KIF1B: variants seen among roughly 807,000 people sequenced by gnomAD.
The protein encoded by KIF1B is kinesin family member 1B, also known as kinesin-like protein KIF1B.
A neutral mutation model predicts 241.9 loss-of-function variants in KIF1B; 76 were observed. The observed-to-expected ratio is 0.31, with a 90% CI of 0.26 to 0.38. The LOEUF (loss-of-function observed/expected upper bound fraction) is 0.38, where lower values mean the gene tolerates loss of function less well. Ranked by LOEUF, KIF1B falls within the 10% of genes least tolerant of loss-of-function variation. The pLI, the probability that KIF1B is intolerant of heterozygous loss-of-function variation, is 1.00. For missense variants in KIF1B, 1,622 were observed against 2,271.4 expected, an observed-to-expected ratio of 0.71 and a Z score of 5.81; for synonymous variants, 750 against 796.7, an observed-to-expected ratio of 0.94 and a Z score of 0.99.
intron 22 of KIF1B, among the ~76,000 whole-genome samples, chr1:10,319,166 A>G (rs1457425029): frequency 1.4e-5 from 2 of 144,964 alleles, no homozygotes; most frequent in Admixed American, 1.4e-4. Flanking sequence ...CAGTGGCGCG[A>G]TCTCTGTTCA....
chr1:10,234,135 A>G (rs1647018041), intron 2 of KIF1B, among the ~76,000 whole-genome samples: 2 of 151,724 alleles, frequency 1.3e-5, no homozygotes, highest in South Asian at 2.1e-4. Flanking sequence ...CATCCCTTCT[A>G]TCGGATTTGC....
chr1:10,373,033 T>G (rs1040375862), intron 45 of KIF1B, among the ~76,000 whole-genome samples: 1 of 151,426 alleles, frequency 6.6e-6, no homozygotes, highest in Non-Finnish European at 1.5e-5. Flanking sequence ...GTCAGGCTAG[T>G]CTCAAACTGC....
chr1:10,250,010 T>G (rs554693046), intron 2 of KIF1B, among the ~76,000 whole-genome samples: 8 of 152,294 alleles, frequency 5.3e-5, no homozygotes, highest in African/African-American at 1.9e-4. Context: ...GGGGTCTCAC[T>G]ATGTTGCCCA....
intron 35 of KIF1B, 125 bp from the exon 36 acceptor site, chr1:10,347,636 T>C: frequency 1.3e-6 from 1 of 776,790 alleles, no homozygotes; most frequent in South Asian, 1.4e-5. Context: ...AATGACTGTA[T>C]GATTAAATGC....
chr1:10,230,999 TGAGGAGTTC>T (rs1041431871), intron 1 of KIF1B: 2 of 152,102 alleles, frequency 1.3e-5, no homozygotes. Context: ...GAATCTGAGG[TGAGGAGTTC>T]GAGACCAGCC....
rs58923572 is a variant in KIF1B, at chr1:10,229,867, C to CAAAAAAAAAAAAAAAAAA, written c.-79-2372_-79-2355dup. On this transcript the variant is annotated intron_variant, in intron 1 of 48. Transcript: ENST00000676179. ...TGGGTGATGGAGTGAGACTCCGTCT[C>CAAAAAAAAAAAAAAAAAA]AAAAAAAAAAAAAAAAAAAAAAAAA... Among the ~76,000 whole-genome samples, 6 of 56,474 alleles carry CAAAAAAAAAAAAAAAAAA rather than the reference C, an allele frequency of 1.1e-4. 1 individual carries two copies. Among genetic ancestry groups the CAAAAAAAAAAAAAAAAAA allele is most frequent in the African/African-American group, 5.5e-4 (6 of 10,848 alleles). The allele number at this position is 56,474 out of a possible 152,430, so 37.0% of individuals were successfully genotyped here. A position where few individuals can be genotyped will look rare whatever the true frequency, so the allele number is the denominator to read the frequency against.
Position 10,365,725 on chromosome 1 carries a change from A to G in KIF1B, c.4752+77A>G. On this transcript the variant is annotated intron_variant, in intron 43 of 48. Transcript: ENST00000676179. The surrounding 1 kb of genome is among the most constrained non-coding windows in gnomAD (Gnocchi z 4.0). ...TAGCCTCTCGGTTTATTCATTTTCA[A>G]CACCTTTGTTCGAGGTGTTTGAAGG... The G allele has an allele frequency of 1.3e-6, 2 of 1,592,300 alleles. No homozygotes were observed. The highest frequency in any genetic ancestry group is 1.7e-6 in the Non-Finnish European group (2 of 1,166,516).
At chr1:10,271,387 A>G (rs1477327900) in intron 7 of KIF1B, 115 bp from the exon 8 acceptor site, 2 of 798,732 alleles carry the variant, frequency 2.5e-6, no homozygotes, top group African/African-American at 1.7e-5. Context: ...TAAAAGCTCT[A>G]ATACTTTTAG....
In KIF1B at chr1:10,256,277, C is replaced by T. The variant is rs770626277; in HGVS notation, c.137C>T (p.Ala46Val). ...ATTAACCCAAAGAATCCAAAGGAAG[C>T]TCCAAAGTCCTTCAGCTTCGACTAT... ...SIINPKNPKE[A>V]PKSFSFDYSY... Residue 46 changes from alanine (A) to valine (V), a missense_variant, in exon 3 of 49, where the codon GCT (alanine) becomes GTT (valine). By Grantham distance (64) the Ala-to-Val change is moderately conservative (BLOSUM62 0). Around this residue, in one of 7 missense-constraint regions of KIF1B, gnomAD observed 156 missense variants for 244.8 expected, o/e 0.64. Coordinates refer to ENST00000676179, the MANE Select transcript of KIF1B (RefSeq NM_001365951.3). The T allele has an allele frequency of 3.7e-6, 6 of 1,612,074 alleles. No individual in the cohort carries two copies. The South Asian group carries it at 6.6e-5, about 18-fold the overall frequency.
rs754692148 is a variant in KIF1B, at chr1:10,365,134, G to C, written c.4401G>C (p.Thr1467=). ...GAAGGAGAAGAAAAATCTTAGATAC[G>C]TCAGTGGCATATGTGCGGGGAGAAG... ...MQRRRRKILD[T]SVAYVRGEEN... The change falls in exon 42 of 49, where the codon ACG becomes ACC. Residue 1467 remains threonine (T), a synonymous_variant. Transcript: ENST00000676179. The surrounding 1 kb of genome is among the most constrained non-coding windows in gnomAD (Gnocchi z 4.0). 6.2e-7 allele frequency: 1 copy of C among 1,613,806 alleles called. No individual in the cohort carries two copies.
chr1:10,334,693 C>A, intron 28 of KIF1B, 55 bp downstream of exon 28: 2 of 1,358,788 alleles, frequency 1.5e-6, no homozygotes, highest in Non-Finnish European at 2.1e-6. Flanking sequence ...AGAGACAAAG[C>A]AGGCTGATTC....
Position 10,292,322 on chromosome 1 carries a change from T to G in KIF1B, c.1590+200T>G, listed in dbSNP as rs530434116. 8.9e-6 allele frequency: 5 copies of G among 564,848 alleles called. No homozygotes were observed. The South Asian group carries it at 1.0e-4, about 12-fold the overall frequency. 35.0% of individuals were successfully genotyped at this position (564,848 alleles called of 1,614,324 possible). A position where few individuals can be genotyped will look rare whatever the true frequency, so the allele number is the denominator to read the frequency against. The stretch of plus-strand genomic sequence containing the variant: ...CCTATTTCTAAAATGCCTATCTTGT[T>G]TACTGTTTACAAAAGAAAAAACCTA... On this transcript the variant is annotated intron_variant, in intron 17 of 48. Transcript: ENST00000676179.
chr1:10,300,917 A>C (rs1202823715), intron 22 of KIF1B, among the ~76,000 whole-genome samples: 6 of 152,190 alleles, frequency 3.9e-5, no homozygotes, highest in Admixed American at 3.9e-4. Context: ...TGGGCTTAGT[A>C]CTCATTTGTA....
intron 19 of KIF1B, 26 bp downstream of exon 19, chr1:10,295,792 GCAA>G (rs760414168): frequency 3.2e-5 from 49 of 1,550,898 alleles, no homozygotes; most frequent in Admixed American, 1.0e-4. Flanking sequence ...TGGAGCTTCA[GCAA>G]CAACATTTTC....
At position 10,312,835 on chromosome 1, in the gene KIF1B, A is replaced by G. The variant is rs560532199; in HGVS notation, c.2116-7208A>G. The stretch of plus-strand genomic sequence containing the variant: ...TCCATCTATATTTTGTTTACTCTTT[A>G]TCATCTCTGTCTCCTTTGTCAATGG... On this transcript the variant is annotated intron_variant, in intron 22 of 48. Transcript: ENST00000676179. 1.5e-4 allele frequency among the ~76,000 whole-genome samples: 22 copies of G among 151,522 alleles called. 1 individual carries two copies. Among genetic ancestry groups the G allele is most frequent in the African/African-American group, 5.1e-4 (21 of 40,856 alleles).
chr1:10,297,219 A>G lies in KIF1B; in HGVS notation c.2088A>G (p.Ala696=). ...EILYKKEKEE[A]DLLLEQQRLD... The stretch of plus-strand genomic sequence containing the variant: ...TATACAAAAAGGAGAAGGAAGAAGC[A>G]GATCTTCTTTTGGAGCAGCAGAGAC... The change falls in exon 22 of 49, where the codon GCA becomes GCG. Residue 696 remains alanine (A), a synonymous_variant. Transcript: ENST00000676179. 1.9e-6 allele frequency: 3 copies of G among 1,613,476 alleles called. No individual in the cohort carries two copies. The highest frequency in any genetic ancestry group is 2.5e-6 in the Non-Finnish European group (3 of 1,179,892).
rs1393015931 is a variant in KIF1B, at chr1:10,377,121, A to T, written c.*534A>T. 4.2e-6 allele frequency: 1 copy of T among 240,786 alleles called. No homozygotes were observed. Among genetic ancestry groups the T allele is most frequent in the African/African-American group, 2.2e-5 (1 of 45,276 alleles). The allele number at this position is 240,786 out of a possible 1,614,324, so 14.9% of individuals were successfully genotyped here. A position where few individuals can be genotyped will look rare whatever the true frequency, so the allele number is the denominator to read the frequency against. On this transcript the variant is annotated 3_prime_UTR_variant, in exon 49 of 49. Coordinates refer to ENST00000676179, the MANE Select transcript of KIF1B (RefSeq NM_001365951.3). ...AGACATCTGGCCTTTTTAGAACCTG[A>T]GAGGAAAAAAAGAGTCTTTTTTTCC...
chr1:10,323,957 T>C lies in KIF1B; in HGVS notation c.2432T>C (p.Met811Thr). 2 of 1,614,114 alleles carry C rather than the reference T, an allele frequency of 1.2e-6. No homozygotes were observed. The highest frequency in any genetic ancestry group is 4.5e-5 in the East Asian group (2 of 44,888). The change falls in exon 25 of 49, where the codon ATG (methionine) becomes ACG (threonine). Residue 811 changes from methionine (M) to threonine (T), a missense_variant. Coordinates refer to ENST00000676179, the MANE Select transcript of KIF1B (RefSeq NM_001365951.3). ...CCTCCTGAATTACTTCCCACTGAGATGGAAAAAACTCATGAGGACAGGCCT... is the reference window on the plus strand; with the variant it reads ...CCTCCTGAATTACTTCCCACTGAGACGGAAAAAACTCATGAGGACAGGCCT... ...PLPPELLPTE[M>T]EKTHEDRPFP...
chr1:10,337,633 T>G lies in KIF1B; in HGVS notation c.3422+100T>G. 3 of 1,310,884 alleles carry G rather than the reference T, an allele frequency of 2.3e-6. No homozygotes were observed. The highest frequency in any genetic ancestry group is 3.3e-6 in the Non-Finnish European group (3 of 912,460). 81.2% of individuals were successfully genotyped at this position (1,310,884 alleles called of 1,614,324 possible). ...TTACATGTGTGAGGGATTAACACTC[T>G]TGAGACAAAGACTGATCAGTCTCTG... On this transcript the variant is annotated intron_variant, in intron 31 of 48. Transcript: ENST00000676179. This position sits in a 1 kb window ranked among gnomAD's most constrained non-coding sequence, Gnocchi z 4.0.
Sources: allele counts gnomAD v4.1 joint callset (sites outside exome capture counted in the v4.1 genomes callset), GRCh38; gene constraint gnomAD v4.1.1; regional missense constraint gnomAD v4.1.1; non-coding constraint Gnocchi (gnomAD v3.1); transcripts MANE v1.5; gene names NCBI Gene and HGNC (gene_info 2026-07-23, HGNC 2026-07-21).